Variants in DAP observed in about 807,000 individuals in gnomAD.
DAP encodes the protein death associated protein.
A neutral mutation model predicts 13.8 loss-of-function variants in DAP; 8 were observed. The observed-to-expected ratio is 0.58, with a 90% CI of 0.34 to 1.05. The LOEUF (loss-of-function observed/expected upper bound fraction) is 1.05, where lower values mean the gene tolerates loss of function less well. Among genes scored for constraint, DAP ranks in the 50% least tolerant of loss-of-function variants. The pLI, the probability that DAP is intolerant of heterozygous loss-of-function variation, is 0.03. For missense variants in DAP, 106 were observed against 133.2 expected, an observed-to-expected ratio of 0.80 and a Z score of 1.01; for synonymous variants, 47 against 47.5, an observed-to-expected ratio of 0.99 and a Z score of 0.04.
At chr5:10,724,586 A>AG (rs1426156065) in intron 2 of DAP, among the ~76,000 whole-genome samples, 4 of 152,224 alleles carry the variant, frequency 2.6e-5, no homozygotes, top group Non-Finnish European at 4.4e-5. Context: ...CACACATTTC[A>AG]GGTAGACCAG....
chr5:10,722,685 T>C (rs1739185495), intron 2 of DAP, among the ~76,000 whole-genome samples: 1 of 151,746 alleles, frequency 6.6e-6, no homozygotes, highest in African/African-American at 2.4e-5. Flanking sequence ...CTGGCTGCTA[T>C]ACCCTGCCTG....
intron 3 of DAP, among the ~76,000 whole-genome samples, chr5:10,681,430 G>A (rs185036958): frequency 2.0e-5 from 3 of 151,108 alleles, no homozygotes; most frequent in African/African-American, 4.9e-5. Flanking sequence ...GCGCCCACCA[G>A]CGTCCCTGCA....
rs5745208 is a variant in DAP, at chr5:10,736,078, G to A, written c.152+12097C>T. Among the ~76,000 whole-genome samples the A allele has an allele frequency of 9.3e-3, 1,416 of 152,278 alleles. 23 individuals are homozygous for A. Among genetic ancestry groups the A allele is most frequent in the African/African-American group, 0.032 (1,336 of 41,542 alleles). On this transcript the variant is annotated intron_variant, in intron 2 of 3. Transcript: ENST00000230895. The stretch of plus-strand genomic sequence containing the variant: ...TCACAGACAGGCACACAGGGAGAAC[G>A]TCAGGCAAAGGCAGCAGAGTGAGGC...
chr5:10,687,929 ACAGAG>A (rs1738197933), intron 2 of DAP, among the ~76,000 whole-genome samples: 1 of 67,860 alleles, frequency 1.5e-5, no homozygotes, highest in African/African-American at 1.2e-4. Flanking sequence ...TTTTTTTTTT[ACAGAG>A]GGAGAGGGTC....
intron 2 of DAP, among the ~76,000 whole-genome samples, chr5:10,745,255 T>C (rs532137321): frequency 6.6e-6 from 1 of 151,968 alleles, no homozygotes; most frequent in Non-Finnish European, 1.5e-5. Context: ...AGCTAAAGAG[T>C]GTACACAGGC....
chr5:10,701,447 A>T (rs1344711495), intron 2 of DAP, among the ~76,000 whole-genome samples: 1 of 152,222 alleles, frequency 6.6e-6, no homozygotes, highest in Non-Finnish European at 1.5e-5. Context: ...TGGTTCAGTA[A>T]CGGGGCTGAG....
intron 1 of DAP, among the ~76,000 whole-genome samples, chr5:10,751,649 G>A (rs745559194): frequency 7.9e-5 from 12 of 152,328 alleles, no homozygotes; most frequent in Non-Finnish European, 1.3e-4. Flanking sequence ...AATTGTATTT[G>A]GAGAGAGGGT....
Position 10,722,559 on chromosome 5 carries a change from C to CATAT in DAP, c.152+25612_152+25615dup, listed in dbSNP as rs1442341747. On this transcript the variant is annotated intron_variant, in intron 2 of 3. Transcript: ENST00000230895. ...ATATATACATATATACATATACATG[C>CATAT]ATATATATACATACATACATATATA... 3.8e-5 allele frequency among the ~76,000 whole-genome samples: 5 copies of CATAT among 132,524 alleles called. No homozygotes were observed. The East Asian group carries it at 1.0e-3, about 27-fold the overall frequency. The allele number at this position is 132,524 out of a possible 152,430, so 86.9% of individuals were successfully genotyped here.
intron 2 of DAP, among the ~76,000 whole-genome samples, chr5:10,689,056 C>T (rs1738231220): frequency 6.6e-6 from 1 of 152,172 alleles, no homozygotes; most frequent in South Asian, 2.1e-4. Context: ...GAGGTGCTGT[C>T]CTCTGGGCGT....
At position 10,681,033 on chromosome 5, in the gene DAP, G is replaced by A. The variant is rs752497414; in HGVS notation, c.*23C>T. 8 of 1,574,762 alleles carry A rather than the reference G, an allele frequency of 5.1e-6. No homozygotes were observed. In the South Asian group the frequency reaches 9.3e-5, roughly 18 times the overall value. The stretch of plus-strand genomic sequence containing the variant: ...CAAGTGCAGCAGAGCCGGGGCCATG[G>A]GGCAGGCTGGTGGACTCCAGGCTCA... On this transcript the variant is annotated 3_prime_UTR_variant, in exon 4 of 4. Coordinates refer to ENST00000230895, the MANE Select transcript of DAP (RefSeq NM_004394.3).
At chr5:10,758,234 A>G (rs1579826859) in intron 1 of DAP, among the ~76,000 whole-genome samples, 1 of 147,154 alleles carries the variant, frequency 6.8e-6, no homozygotes, top group South Asian at 2.1e-4. Context: ...AAAACTATCT[A>G]CCCTTCAGAG....
At chr5:10,710,261 A>G (rs1738813939) in intron 2 of DAP, among the ~76,000 whole-genome samples, 1 of 152,110 alleles carries the variant, frequency 6.6e-6, no homozygotes, top group Admixed American at 6.5e-5. Flanking sequence ...CCTCAATCAC[A>G]CCAAATCCCC....
At chr5:10,747,265 T>C (rs1368132422) in intron 2 of DAP, among the ~76,000 whole-genome samples, 1 of 152,180 alleles carries the variant, frequency 6.6e-6, no homozygotes, top group African/African-American at 2.4e-5. Flanking sequence ...GTGGTGCCTG[T>C]TTGCGTATTG....
chr5:10,731,513 G>A (rs1739460492), intron 2 of DAP, among the ~76,000 whole-genome samples: 1 of 152,144 alleles, frequency 6.6e-6, no homozygotes, highest in Non-Finnish European at 1.5e-5. Context: ...AGTGCTCCCT[G>A]CACTTCATTC....
intron 2 of DAP, chr5:10,733,691 C>T (rs572627959): frequency 6.6e-6 from 1 of 152,326 alleles, no homozygotes; most frequent in African/African-American, 2.4e-5. Flanking sequence ...GAAGGCCCAA[C>T]AGAACATGTG....
In DAP at chr5:10,759,241, T is replaced by C. The variant is rs140514841; in HGVS notation, c.55+1773A>G. Among the ~76,000 whole-genome samples the C allele has an allele frequency of 1.6e-3, 244 of 152,334 alleles. 1 individual carries two copies. The highest frequency in any genetic ancestry group is 5.5e-3 in the African/African-American group (230 of 41,560). ...GTCTCTGTATGCAATTTAATTACTG[T>C]ACTTTGGTTCTGTATCATTCCAACA... On this transcript the variant is annotated intron_variant, in intron 1 of 3. Transcript: ENST00000230895.
intron 2 of DAP, among the ~76,000 whole-genome samples, chr5:10,721,013 G>A (rs1739122783): frequency 6.6e-6 from 1 of 152,198 alleles, no homozygotes; most frequent in Admixed American, 6.5e-5. Context: ...CATGCTCATG[G>A]AATTCACTGG....
chr5:10,723,043 T>C (rs1364544003), intron 2 of DAP, among the ~76,000 whole-genome samples: 1 of 152,238 alleles, frequency 6.6e-6, no homozygotes, highest in Non-Finnish European at 1.5e-5. Context: ...TTCAGAGTCA[T>C]GTCCCTTGAT....
chr5:10,735,322 C>A (rs1016199997), intron 2 of DAP, among the ~76,000 whole-genome samples: 7 of 152,176 alleles, frequency 4.6e-5, no homozygotes, highest in African/African-American at 1.7e-4. Flanking sequence ...TGACAAGAAG[C>A]AGCTCTCCCC....
Sources: allele counts gnomAD v4.1 joint callset (sites outside exome capture counted in the v4.1 genomes callset), GRCh38; gene constraint gnomAD v4.1.1; transcripts MANE v1.5; gene names NCBI Gene and HGNC (gene_info 2026-07-23, HGNC 2026-07-21).